The following PPFIA2 variants were observed in gnomAD, a reference collection of about 807,000 sequenced individuals.
PPFIA2 encodes PPFI scaffold protein A2, also known as liprin-alpha-2.
In PPFIA2, 46 loss-of-function variants were observed where a neutral mutation model predicts 175.5. That is an observed-to-expected ratio of 0.26 (90% CI 0.21 to 0.34). The LOEUF is 0.34. Ranked by LOEUF, PPFIA2 falls within the 10% of genes least tolerant of loss-of-function variation. The pLI, the probability that PPFIA2 is intolerant of heterozygous loss-of-function variation, is 1.00. For synonymous variants in PPFIA2, 568 were observed against 511.4 expected, an observed-to-expected ratio of 1.11 and a Z score of -1.49; for missense variants, 1,179 against 1,506.1, an observed-to-expected ratio of 0.78 and a Z score of 3.60.
intron 16 of PPFIA2, 62 bp downstream of exon 16, chr12:81,358,020 T>C: frequency 2.1e-6 from 3 of 1,396,432 alleles, no homozygotes; most frequent in Non-Finnish European, 2.9e-6. Flanking sequence ...GTTAAAATTC[T>C]ATCAAAAATG....
At chr12:81,387,128 T>C (rs970267860) in intron 8 of PPFIA2, among the ~76,000 whole-genome samples, 1 of 151,998 alleles carries the variant, frequency 6.6e-6, no homozygotes, top group African/African-American at 2.4e-5. Context: ...CTTTAAGTCT[T>C]CTAACACTTC....
At chr12:81,751,581 A>T (rs1306095162) in intron 3 of PPFIA2, among the ~76,000 whole-genome samples, 2 of 151,850 alleles carry the variant, frequency 1.3e-5, no homozygotes, top group East Asian at 3.9e-4. Context: ...AGAGAGAGAG[A>T]GAGAGACAAG....
intron 4 of PPFIA2, among the ~76,000 whole-genome samples, chr12:81,656,781 A>G (rs2067857509): frequency 6.6e-6 from 1 of 151,560 alleles, no homozygotes; most frequent in Non-Finnish European, 1.5e-5. Context: ...AATATTAAAT[A>G]TATATAATTT....
chr12:81,635,863 A>G (rs907574386), intron 4 of PPFIA2, among the ~76,000 whole-genome samples: 7 of 152,290 alleles, frequency 4.6e-5, no homozygotes, highest in African/African-American at 1.7e-4. Context: ...TTTAAGAAGA[A>G]CATGTGGAAT....
chr12:81,572,045 A>ACATAACAG (rs2072649716), intron 4 of PPFIA2, among the ~76,000 whole-genome samples: 1 of 152,102 alleles, frequency 6.6e-6, no homozygotes, highest in Non-Finnish European at 1.5e-5. Context: ...ATCCCCCAGG[A>ACATAACAG]CATAACAGAT....
intron 7 of PPFIA2, among the ~76,000 whole-genome samples, chr12:81,419,845 G>A (rs770839256): frequency 6.6e-6 from 1 of 152,074 alleles, no homozygotes; most frequent in Non-Finnish European, 1.5e-5. Flanking sequence ...CTGCATTCCA[G>A]ACCTAGTACC....
chr12:81,741,747 C>A (rs1041571201), intron 3 of PPFIA2, among the ~76,000 whole-genome samples: 3 of 151,558 alleles, frequency 2.0e-5, no homozygotes, highest in Non-Finnish European at 2.9e-5. Flanking sequence ...GATTGGACAC[C>A]CCTGCCTGAC....
intron 4 of PPFIA2, among the ~76,000 whole-genome samples, chr12:81,597,581 G>A (rs1230549219): frequency 6.6e-6 from 1 of 152,062 alleles, no homozygotes; most frequent in East Asian, 1.9e-4. Flanking sequence ...CATAAAATGT[G>A]TTTTAATCTT....
intron 4 of PPFIA2, among the ~76,000 whole-genome samples, chr12:81,580,224 T>C (rs993589170): frequency 6.6e-6 from 1 of 151,858 alleles, no homozygotes; most frequent in Admixed American, 6.6e-5. Context: ...ACATATGCAG[T>C]ATCTCAGTTC....
chr12:81,595,311 T>C (rs1318016679), intron 4 of PPFIA2, among the ~76,000 whole-genome samples: 2 of 151,932 alleles, frequency 1.3e-5, no homozygotes, highest in Non-Finnish European at 2.9e-5. Context: ...CATTTGTATA[T>C]ATTTGAGTCC....
intron 4 of PPFIA2, among the ~76,000 whole-genome samples, chr12:81,673,709 A>G (rs1259667533): frequency 1.3e-5 from 2 of 152,044 alleles, no homozygotes; most frequent in South Asian, 2.1e-4. Context: ...TTTTTCTCCA[A>G]TGATAAAAGC....
intron 27 of PPFIA2, among the ~76,000 whole-genome samples, chr12:81,279,467 C>G (rs1312297941): frequency 6.6e-6 from 1 of 151,848 alleles, no homozygotes; most frequent in Admixed American, 6.6e-5. Context: ...TCAGTTTCTG[C>G]CAAGTTTTGA....
chr12:81,704,402 T>G (rs141478069), intron 3 of PPFIA2, among the ~76,000 whole-genome samples: 8 of 152,290 alleles, frequency 5.3e-5, no homozygotes, highest in African/African-American at 1.7e-4. Flanking sequence ...TTTTAAAGGT[T>G]ATAATATTTT....
intron 4 of PPFIA2, among the ~76,000 whole-genome samples, chr12:81,523,368 T>C (rs962346580): frequency 6.6e-6 from 1 of 152,160 alleles, no homozygotes; most frequent in Non-Finnish European, 1.5e-5. Flanking sequence ...GTGAGATGTT[T>C]TAATCTTCAC....
chr12:81,362,387 T>G (rs1433845555), intron 15 of PPFIA2, among the ~76,000 whole-genome samples: 1 of 151,360 alleles, frequency 6.6e-6, no homozygotes, highest in African/African-American at 2.4e-5. Flanking sequence ...TTGAATGAGA[T>G]GCAATCTCCC....
Position 81,370,398 on chromosome 12 carries a change from G to T in PPFIA2, c.1267-1204C>A, listed in dbSNP as rs544365498. On this transcript the variant is annotated intron_variant, in intron 11 of 32. Transcript: ENST00000549396. Reference sequence around the variant, plus strand: ...ACTTGGTCTCAAATATTGGTCTAACGGTCCACTCTCAGATATTGGTCTAGA... The same window carrying T: ...ACTTGGTCTCAAATATTGGTCTAACTGTCCACTCTCAGATATTGGTCTAGA... Among the ~76,000 whole-genome samples, 4 of 151,786 alleles carry T rather than the reference G, an allele frequency of 2.6e-5. No homozygotes were observed. In the East Asian group the frequency reaches 7.8e-4, roughly 29 times the overall value.
chr12:81,298,378 T>G (rs2047008671), intron 23 of PPFIA2: 1 of 152,276 alleles, frequency 6.6e-6, no homozygotes. Flanking sequence ...TATCTAAGTC[T>G]ATTTTTAAAA....
intron 22 of PPFIA2, among the ~76,000 whole-genome samples, chr12:81,315,263 T>A (rs2052050711): frequency 6.6e-6 from 1 of 151,868 alleles, no homozygotes; most frequent in African/African-American, 2.4e-5. Flanking sequence ...TGAAACTATT[T>A]CTAATTTCTC....
intron 17 of PPFIA2, among the ~76,000 whole-genome samples, chr12:81,348,522 G>A (rs1026869857): frequency 2.0e-5 from 3 of 152,102 alleles, no homozygotes; most frequent in Non-Finnish European, 1.5e-5. Flanking sequence ...TGGATCATGA[G>A]GTCAGGAGTT....
Sources: allele counts gnomAD v4.1 joint callset (sites outside exome capture counted in the v4.1 genomes callset), GRCh38; gene constraint gnomAD v4.1.1; transcripts MANE v1.5; gene names NCBI Gene and HGNC (gene_info 2026-07-23, HGNC 2026-07-21).